GIT2: variants seen among roughly 807,000 people sequenced by gnomAD.
GIT2 encodes the protein ARF GTPase-activating protein GIT2.
In GIT2, 32 loss-of-function variants were observed where a neutral mutation model predicts 100.3. That is an observed-to-expected ratio of 0.32 (90% CI 0.24 to 0.43). The LOEUF (loss-of-function observed/expected upper bound fraction) is 0.43, where lower values mean the gene tolerates loss of function less well. GIT2 is among the 20% of genes least tolerant of loss of function. The pLI is 1.00. For missense variants in GIT2, 737 were observed against 975.1 expected (o/e 0.76, Z 3.25); for synonymous variants, 353 against 364.1 (o/e 0.97, Z 0.35).
At chr12:109,958,085 T>C (rs1226101432) in intron 12 of GIT2, among the ~76,000 whole-genome samples, 1 of 151,456 alleles carries the variant, frequency 6.6e-6, no homozygotes, top group East Asian at 2.0e-4. Context: ...GCTGGGACTA[T>C]AGGTACCCAC....
At position 109,979,782 on chromosome 12, in the gene GIT2, C is replaced by T. The variant is rs547425312; in HGVS notation, c.718+1170G>A. ...TGTTAGTTCTATTTTGCAGGAGACA[C>T]GGTGGGGTGTGCTTACTCCATCTCA... On this transcript the variant is annotated intron_variant, in intron 7 of 19. Transcript: ENST00000355312. 1.2e-4 allele frequency among the ~76,000 whole-genome samples: 18 copies of T among 152,234 alleles called. No individual in the cohort carries two copies. In the South Asian group the frequency reaches 2.7e-3, roughly 23 times the overall value.
intron 16 of GIT2, among the ~76,000 whole-genome samples, chr12:109,941,469 A>T (rs116823105): frequency 6.6e-6 from 1 of 152,284 alleles, no homozygotes; most frequent in African/African-American, 2.4e-5. Context: ...AGAAAATGAA[A>T]AAGAAAGAAG....
At chr12:109,959,317 C>T (rs1880433037) in intron 12 of GIT2, among the ~76,000 whole-genome samples, 1 of 152,090 alleles carries the variant, frequency 6.6e-6, no homozygotes, top group Admixed American at 6.6e-5. Flanking sequence ...ATCCACCTGC[C>T]TCGGCCTCCC....
chr12:109,945,459 G>C, intron 15 of GIT2, 110 bp from the exon 16 acceptor site: 1 of 685,282 alleles, frequency 1.5e-6, no homozygotes, highest in South Asian at 1.6e-5. Flanking sequence ...TATGTGACGT[G>C]AGTGCTGCAA....
At chr12:109,954,190 C>A (rs1265803935) in intron 12 of GIT2, 1 of 152,060 alleles carries the variant, frequency 6.6e-6, no homozygotes, top group Non-Finnish European at 1.5e-5. Flanking sequence ...CGCCTATAGC[C>A]CCAGCTACTC....
chr12:109,992,140 C>CCTTTTTTTT (rs1555239519), intron 1 of GIT2: 1 of 92,188 alleles, frequency 1.1e-5, no homozygotes, highest in Non-Finnish European at 2.0e-5. Context: ...CAAGATAATA[C>CCTTTTTTTT]TTTTTTTTTT....
In GIT2 at chr12:109,932,929, T is replaced by C. The variant is rs375503332; in HGVS notation, c.*49A>G. 3.5e-5 allele frequency: 36 copies of C among 1,034,940 alleles called. No individual in the cohort carries two copies. The highest frequency in any genetic ancestry group is 1.2e-4 in the Admixed American group (7 of 58,132). 64.1% of individuals were successfully genotyped at this position (1,034,940 alleles called of 1,614,324 possible). A position where few individuals can be genotyped will look rare whatever the true frequency, so the allele number is the denominator to read the frequency against. ...AAGAGTTCTGCGTCTGAATTTGAAATTGGACTTTATAAAGCCTAGAAAACA... is the reference window on the plus strand; with the variant it reads ...AAGAGTTCTGCGTCTGAATTTGAAACTGGACTTTATAAAGCCTAGAAAACA... On this transcript the variant is annotated 3_prime_UTR_variant, in exon 20 of 20. Transcript: ENST00000355312.
chr12:109,966,707 T>A (rs545655657), intron 8 of GIT2, among the ~76,000 whole-genome samples: 1 of 151,832 alleles, frequency 6.6e-6, no homozygotes, highest in Non-Finnish European at 1.5e-5. Context: ...AAGATCAGGA[T>A]GGCAAGATTA....
intron 13 of GIT2, chr12:109,952,565 C>T (rs562472248): frequency 1.9e-6 from 1 of 519,178 alleles, no homozygotes; most frequent in South Asian, 1.4e-5. Context: ...CTATGCATGA[C>T]CAGCTTCCCC....
At chr12:109,979,014 G>A (rs1885722108) in intron 7 of GIT2, among the ~76,000 whole-genome samples, 2 of 152,190 alleles carry the variant, frequency 1.3e-5, no homozygotes, top group Non-Finnish European at 1.5e-5. Context: ...CTGACCAGGT[G>A]AGGTTCTGCC....
chr12:109,953,191 G>A lies in GIT2; in HGVS notation c.1143C>T (p.Ser381=), dbSNP rs1264967379. The change falls in exon 13 of 20, where the codon AGC becomes AGT. Residue 381 remains serine, a synonymous_variant. Coordinates refer to ENST00000355312, the MANE Select transcript of GIT2 (RefSeq NM_057169.5). ...GCTGATCGTTGTCTTGACTCTCAAC[G>A]CTGTGCTGGTTATTGATGGTTTTCA... ...LILKTINNQH[S]VESQDNDQPD... 4.3e-6 allele frequency: 7 copies of A among 1,613,774 alleles called. No homozygotes were observed. The highest frequency in any genetic ancestry group is 1.3e-5 in the African/African-American group (1 of 75,030).
At chr12:109,969,658 T>C (rs1015547492) in intron 7 of GIT2, among the ~76,000 whole-genome samples, 2 of 152,156 alleles carry the variant, frequency 1.3e-5, no homozygotes, top group African/African-American at 4.8e-5. Flanking sequence ...GTGATCCTCC[T>C]ACTTCGGCCT....
Position 109,988,998 on chromosome 12 carries a change from C to G in GIT2, c.370G>C (p.Asp124His). 6.2e-7 allele frequency: 1 copy of G among 1,612,002 alleles called. No individual in the cohort carries two copies. The highest frequency in any genetic ancestry group is 8.5e-7 in the Non-Finnish European group (1 of 1,178,184). ...TCTTTGGCAGTCACACTATCGTCAT[C>G]CCGGCAGGGCAAGCGATGGACGAAC... ...LAFVHRLPCR[D>H]DDSVTAKDLS... The change falls in exon 4 of 20, where the codon GAT (aspartate) becomes CAT (histidine). Residue 124 changes from aspartate (D) to histidine (H), a missense_variant. Asp to His is a moderately conservative substitution (Grantham distance 81, BLOSUM62 -1). Coordinates refer to ENST00000355312, the MANE Select transcript of GIT2 (RefSeq NM_057169.5).
At chr12:109,955,217 G>A (rs950865043) in intron 12 of GIT2, among the ~76,000 whole-genome samples, 24 of 152,094 alleles carry the variant, frequency 1.6e-4, no homozygotes, top group Non-Finnish European at 2.4e-4. Context: ...TCCGCCTCCC[G>A]GTTTCACGCC....
In GIT2 at chr12:109,959,956, G is replaced by C. The variant is rs1266633353; in HGVS notation, c.990C>G (p.Gly330=). 2.5e-6 allele frequency: 4 copies of C among 1,602,590 alleles called. No homozygotes were observed. The change falls in exon 12 of 20, where the codon GGC becomes GGG. Residue 330 remains glycine, a splice_region_variant and synonymous_variant. Transcript: ENST00000355312. Reference sequence around the variant, plus strand: ...CGTTGAACCGAGCTAACTTCTGTCTGCCCTAAAGGTGGGAAAATAATTGGA... The same window carrying C: ...CGTTGAACCGAGCTAACTTCTGTCTCCCCTAAAGGTGGGAAAATAATTGGA... ...NPEYSSTRNQ[G]RQKLARFNAH...
chr12:109,991,832 C>T (rs1888461162), intron 1 of GIT2, 72 bp from the exon 2 acceptor site: 10 of 1,387,134 alleles, frequency 7.2e-6, no homozygotes, highest in Non-Finnish European at 1.0e-5. Context: ...CAAAAGATGA[C>T]TGAAGTTTGG....
At chr12:109,961,725 T>G (rs1881139630) in intron 9 of GIT2, 40 bp from the exon 10 acceptor site, 2 of 1,182,160 alleles carry the variant, frequency 1.7e-6, no homozygotes, top group East Asian at 4.7e-5. Context: ...GGACAATGAT[T>G]AATGCCAGGA....
intron 7 of GIT2, among the ~76,000 whole-genome samples, chr12:109,980,193 C>G (rs965300462): frequency 6.6e-6 from 1 of 151,930 alleles, no homozygotes; most frequent in Admixed American, 6.6e-5. Context: ...CTCCCAAGTA[C>G]GTGGGACTAC....
Position 109,948,320 on chromosome 12 carries a change from T to TA in GIT2, c.1393-817_1393-816insT. 1.0e-6 allele frequency: 1 copy of TA among 987,824 alleles called. No homozygotes were observed. Among genetic ancestry groups the TA allele is most frequent in the South Asian group, 4.7e-5 (1 of 21,426 alleles). The allele number at this position is 987,824 out of a possible 1,614,324, so 61.2% of individuals were successfully genotyped here. On this transcript the variant is annotated intron_variant, in intron 14 of 19. Transcript: ENST00000355312. The surrounding 1 kb of genome is among the most constrained non-coding windows in gnomAD (Gnocchi z 4.3). The stretch of plus-strand genomic sequence containing the variant: ...ATATTTGGCCTTTCTCTCCTTTGGC[T>TA]TTGTCACCCAAAAAACACGACCTCA...
Sources: allele counts gnomAD v4.1 joint callset (sites outside exome capture counted in the v4.1 genomes callset), GRCh38; gene constraint gnomAD v4.1.1; non-coding constraint Gnocchi (gnomAD v3.1); transcripts MANE v1.5; gene names NCBI Gene and HGNC (gene_info 2026-07-23, HGNC 2026-07-21).